The following FOXN3 variants were observed in gnomAD, a reference collection of about 807,000 sequenced individuals.
FOXN3 encodes forkhead box N3.
A neutral mutation model predicts 38.4 loss-of-function variants in FOXN3; 7 were observed. The observed-to-expected ratio is 0.18, with a 90% CI of 0.10 to 0.34. FOXN3 has a LOEUF of 0.34. Among genes scored for constraint, FOXN3 ranks in the 10% least tolerant of loss-of-function variants. The probability of loss-of-function intolerance (pLI) is 1.00; values close to 1 mark genes in which losing one functional copy is unlikely to be tolerated. For missense variants in FOXN3, 456 were observed against 613.4 expected (o/e 0.74, Z 2.71); for synonymous variants, 230 against 242.2 (o/e 0.95, Z 0.47).
At chr14:89,214,824 A>G (rs1884219138) in intron 4 of FOXN3, among the ~76,000 whole-genome samples, 1 of 152,256 alleles carries the variant, frequency 6.6e-6, no homozygotes, top group South Asian at 2.1e-4. Context: ...GAAAAAGCAC[A>G]GGCTACAACT....
chr14:89,497,100 G>A (rs575940004), intron 1 of FOXN3, among the ~76,000 whole-genome samples: 11 of 151,890 alleles, frequency 7.2e-5, no homozygotes, highest in African/African-American at 2.2e-4. Context: ...GATTACAGGC[G>A]CCCACCACCA....
At chr14:89,189,170 A>T (rs545010288) in intron 4 of FOXN3, among the ~76,000 whole-genome samples, 1 of 152,272 alleles carries the variant, frequency 6.6e-6, no homozygotes, top group Admixed American at 6.5e-5. Context: ...CAAATATCCT[A>T]AAGTTGTCAG....
At chr14:89,516,550 C>T (rs1443210073) in intron 1 of FOXN3, among the ~76,000 whole-genome samples, 1 of 138,636 alleles carries the variant, frequency 7.2e-6, no homozygotes, top group African/African-American at 2.7e-5. Context: ...GTGTTTCAGG[C>T]TGCCAGTAGT....
chr14:89,468,997 T>C (rs896156700), intron 1 of FOXN3, among the ~76,000 whole-genome samples: 2 of 152,162 alleles, frequency 1.3e-5, no homozygotes, highest in Non-Finnish European at 2.9e-5. Flanking sequence ...TCCCAGCCCC[T>C]CTCCAGAACT....
intron 1 of FOXN3, among the ~76,000 whole-genome samples, chr14:89,503,524 T>C (rs942386189): frequency 3.9e-5 from 6 of 152,250 alleles, no homozygotes; most frequent in African/African-American, 1.2e-4. Flanking sequence ...AGCCATATGC[T>C]ACTGGTGCAT....
intron 4 of FOXN3, chr14:89,190,320 T>C: frequency 8.2e-7 from 1 of 1,219,816 alleles, no homozygotes; most frequent in Non-Finnish European, 1.2e-6. Context: ...TATGACCTGG[T>C]GTATAAATGA....
rs764885051 is a variant in FOXN3, at chr14:89,162,173, C to T, written c.*241G>A. On this transcript the variant is annotated 3_prime_UTR_variant, in exon 6 of 6. Transcript: ENST00000557258. This position sits in a 1 kb window ranked among gnomAD's most constrained non-coding sequence, Gnocchi z 7.2. Reference sequence around the variant, plus strand: ...CAGATAATGAAAAGCTTTTGTAAAACAGCTGAGTGTCAATATGAGTTCTAT... The same window carrying T: ...CAGATAATGAAAAGCTTTTGTAAAATAGCTGAGTGTCAATATGAGTTCTAT... 4 of 349,234 alleles carry T rather than the reference C, an allele frequency of 1.1e-5. No individual in the cohort carries two copies. Among genetic ancestry groups the T allele is most frequent in the Non-Finnish European group, 2.0e-5 (4 of 196,874 alleles). 21.6% of individuals were successfully genotyped at this position (349,234 alleles called of 1,614,324 possible).
At chr14:89,331,537 C>G (rs1888247957) in intron 3 of FOXN3, among the ~76,000 whole-genome samples, 1 of 152,184 alleles carries the variant, frequency 6.6e-6, no homozygotes, top group Admixed American at 6.6e-5. Flanking sequence ...GTGAAGGGGA[C>G]TGAGGATGAA....
intron 2 of FOXN3, among the ~76,000 whole-genome samples, chr14:89,354,865 T>C (rs1889143690): frequency 6.6e-6 from 1 of 151,662 alleles, no homozygotes; most frequent in Non-Finnish European, 1.5e-5. Context: ...AAAAAATAAA[T>C]AAATAAATAA....
At chr14:89,450,366 C>T (rs1892590423) in intron 1 of FOXN3, among the ~76,000 whole-genome samples, 1 of 152,106 alleles carries the variant, frequency 6.6e-6, no homozygotes, top group Non-Finnish European at 1.5e-5. Context: ...TCTGAGGTTC[C>T]AAGCAGACAT....
At chr14:89,375,254 TTCA>T (rs371999494) in intron 2 of FOXN3, among the ~76,000 whole-genome samples, 1 of 152,344 alleles carries the variant, frequency 6.6e-6, no homozygotes, top group African/African-American at 2.4e-5. Context: ...AATCCCTCTG[TTCA>T]TCGTCAAGTA....
intron 4 of FOXN3, among the ~76,000 whole-genome samples, chr14:89,229,635 T>C (rs1187478851): frequency 6.6e-6 from 1 of 152,128 alleles, no homozygotes; most frequent in East Asian, 1.9e-4. Flanking sequence ...ACACTTCCGA[T>C]GGTGTTTCTT....
chr14:89,462,753 C>T (rs35973678), intron 1 of FOXN3, among the ~76,000 whole-genome samples: 61,338 of 150,518 alleles, frequency 0.41, 12,697 homozygotes, highest in Non-Finnish European at 0.45. Flanking sequence ...GGCACGATCT[C>T]GGCTCACTGC....
At chr14:89,536,869 G>C (rs1894699612) in intron 1 of FOXN3, among the ~76,000 whole-genome samples, 1 of 152,154 alleles carries the variant, frequency 6.6e-6, no homozygotes, top group Non-Finnish European at 1.5e-5. Flanking sequence ...TGGTTGTGCT[G>C]TTCTCTGTTT....
At chr14:89,520,201 CAG>C (rs1338974401) in intron 1 of FOXN3, among the ~76,000 whole-genome samples, 2 of 150,876 alleles carry the variant, frequency 1.3e-5, no homozygotes, top group Admixed American at 6.6e-5. Flanking sequence ...TTTGTAGAGA[CAG>C]GGGTTTCGCC....
intron 4 of FOXN3, among the ~76,000 whole-genome samples, chr14:89,181,471 A>G (rs1293241825): frequency 3.3e-5 from 5 of 152,158 alleles, no homozygotes; most frequent in Admixed American, 6.5e-5. Flanking sequence ...GCTACTTGGC[A>G]TCTCAGCACG....
chr14:89,586,609 T>C (rs1895848052), intron 1 of FOXN3, among the ~76,000 whole-genome samples: 1 of 152,228 alleles, frequency 6.6e-6, no homozygotes, highest in Admixed American at 6.5e-5. Flanking sequence ...TATGCTGTTT[T>C]TTTGTTTGCT....
intron 1 of FOXN3, among the ~76,000 whole-genome samples, chr14:89,445,126 C>T (rs900886833): frequency 1.3e-5 from 2 of 151,574 alleles, no homozygotes; most frequent in Non-Finnish European, 2.9e-5. Flanking sequence ...CAGAACAAGA[C>T]CCAATCTCAA....
At chr14:89,544,625 T>C (rs1894851058) in intron 1 of FOXN3, among the ~76,000 whole-genome samples, 1 of 152,160 alleles carries the variant, frequency 6.6e-6, no homozygotes, top group South Asian at 2.1e-4. Flanking sequence ...AAATGGCCTC[T>C]TCTCATCAGC....
Sources: gnomAD v4.1 joint callset for allele counts (sites outside exome capture counted in the v4.1 genomes callset) on GRCh38, gnomAD v4.1.1 for gene constraint, Gnocchi (gnomAD v3.1) non-coding constraint, MANE v1.5 for transcripts, NCBI Gene and HGNC (gene_info 2026-07-23, HGNC 2026-07-21) for gene names.